Variants in PLEKHA7 observed in about 807,000 individuals in gnomAD.
PLEKHA7 encodes the protein pleckstrin homology domain-containing family A member 7.
A neutral mutation model predicts 170.0 loss-of-function variants in PLEKHA7; 104 were observed. The ratio of observed to expected loss-of-function variants is 0.61; its 90% CI spans 0.52 to 0.72. PLEKHA7 has a LOEUF of 0.72. Among genes scored for constraint, PLEKHA7 ranks in the 30% least tolerant of loss-of-function variants. The pLI is 0.00. For missense variants in PLEKHA7, 1,615 were observed against 1,671.7 expected, an observed-to-expected ratio of 0.97 and a Z score of 0.59; for synonymous variants, 648 against 660.8, an observed-to-expected ratio of 0.98 and a Z score of 0.30.
intron 3 of PLEKHA7, among the ~76,000 whole-genome samples, chr11:16,914,215 C>T (rs1858467651): frequency 6.6e-6 from 1 of 152,142 alleles, no homozygotes; most frequent in Non-Finnish European, 1.5e-5. Context: ...AGTAATCACC[C>T]CTGGACTTAG....
chr11:16,855,052 C>T (rs1853320047), intron 5 of PLEKHA7, 59 bp from the exon 6 acceptor site: 2 of 1,467,266 alleles, frequency 1.4e-6, no homozygotes, highest in Non-Finnish European at 9.6e-7. Context: ...CAAAAAAGCA[C>T]TTGTATGTTA....
At chr11:16,934,930 T>C (rs1205060290) in intron 3 of PLEKHA7, among the ~76,000 whole-genome samples, 1 of 152,244 alleles carries the variant, frequency 6.6e-6, no homozygotes, top group African/African-American at 2.4e-5. Context: ...TTTTTCATAC[T>C]TTTCTGTCCC....
At chr11:16,919,556 TC>T (rs1456261291) in intron 3 of PLEKHA7, among the ~76,000 whole-genome samples, 2 of 151,878 alleles carry the variant, frequency 1.3e-5, no homozygotes, top group African/African-American at 4.8e-5. Flanking sequence ...ACACCTGTAG[TC>T]CTATCTTCTT....
intron 26 of PLEKHA7, among the ~76,000 whole-genome samples, chr11:16,781,555 C>G (rs534431379): frequency 1.3e-5 from 2 of 152,148 alleles, no homozygotes; most frequent in African/African-American, 4.8e-5. Flanking sequence ...CTCCTGCATC[C>G]CTAATCCCAG....
intron 3 of PLEKHA7, among the ~76,000 whole-genome samples, chr11:16,980,887 CA>C (rs1455434864): frequency 2.0e-5 from 3 of 150,790 alleles, no homozygotes; most frequent in Non-Finnish European, 4.4e-5. Context: ...AATTCCATCT[CA>C]AAAACAACAA....
Position 16,854,936 on chromosome 11 carries a change from T to G in PLEKHA7, c.475A>C (p.Arg159=). ...ACCACCACGGGAACATTGGGGTTCC[T>G]CCGAATGGCCTGGTCTCTCTTCCCA... ...SFGKRDQAIR[R]NPNVPVVVRG... The change falls in exon 6 of 27, where the codon AGG becomes CGG. Residue 159 remains arginine (R), a synonymous_variant. Transcript: ENST00000531066. 1 of 1,614,108 alleles carries G rather than the reference T, an allele frequency of 6.2e-7. No homozygotes were observed. Among genetic ancestry groups the G allele is most frequent in the Non-Finnish European group, 8.5e-7 (1 of 1,180,006 alleles).
intron 26 of PLEKHA7, chr11:16,780,942 T>C (rs768380341): frequency 1.1e-4 from 104 of 976,820 alleles, no homozygotes; most frequent in Non-Finnish European, 1.2e-4. Context: ...GGGCTCTTAC[T>C]TGGAAGGTGT....
chr11:16,800,694 G>C (rs1234527594), intron 17 of PLEKHA7, among the ~76,000 whole-genome samples: 1 of 152,180 alleles, frequency 6.6e-6, no homozygotes, highest in African/African-American at 2.4e-5. Context: ...GACACCAAAT[G>C]ATCAGAAGTA....
intron 3 of PLEKHA7, among the ~76,000 whole-genome samples, chr11:16,998,958 C>A (rs1864506916): frequency 2.0e-5 from 3 of 151,954 alleles, no homozygotes. Context: ...CAATCCCCCA[C>A]TCACTCCCAA....
intron 10 of PLEKHA7, among the ~76,000 whole-genome samples, chr11:16,823,833 A>T (rs1478748744): frequency 6.6e-6 from 1 of 152,244 alleles, no homozygotes; most frequent in Non-Finnish European, 1.5e-5. Context: ...TATTCACAAT[A>T]GCCAAGATTT....
chr11:16,829,646 T>G (rs2135031419), intron 9 of PLEKHA7, among the ~76,000 whole-genome samples: 1 of 152,178 alleles, frequency 6.6e-6, no homozygotes, highest in East Asian at 1.9e-4. Context: ...CATGGTGGTG[T>G]GCACCTGTAG....
chr11:16,858,321 G>C (rs1649050515), intron 4 of PLEKHA7, among the ~76,000 whole-genome samples: 1 of 152,142 alleles, frequency 6.6e-6, no homozygotes, highest in Non-Finnish European at 1.5e-5. Context: ...TTCTCCGTTA[G>C]TTTAAGCCAG....
chr11:16,889,412 A>ATATAT lies in PLEKHA7; in HGVS notation c.222-18231_222-18230insATATA, dbSNP rs1459889235. Among the ~76,000 whole-genome samples the ATATAT allele has an allele frequency of 1.4e-3, 158 of 115,414 alleles. 1 individual carries two copies. The highest frequency in any genetic ancestry group is 4.5e-3 in the African/African-American group (120 of 26,436). 75.7% of individuals were successfully genotyped at this position (115,414 alleles called of 152,430 possible). On this transcript the variant is annotated intron_variant, in intron 3 of 26. Coordinates refer to ENST00000531066, the MANE Select transcript of PLEKHA7 (RefSeq NM_001329630.2). ...AAGCTTTATTGCTCAAAAAAAAAAA[A>ATATAT]AAAAAAAAATATATATATATATATA... is the stretch of plus-strand genomic sequence containing the variant.
Position 16,817,549 on chromosome 11 carries a change from C to A in PLEKHA7, c.1344-227G>T, listed in dbSNP as rs1849869080. 2.1e-6 allele frequency: 1 copy of A among 473,492 alleles called. No homozygotes were observed. Among genetic ancestry groups the A allele is most frequent in the Non-Finnish European group, 3.7e-6 (1 of 269,220 alleles). The allele number at this position is 473,492 out of a possible 1,614,324, so 29.3% of individuals were successfully genotyped here. A position where few individuals can be genotyped will look rare whatever the true frequency, so the allele number is the denominator to read the frequency against. On this transcript the variant is annotated intron_variant, in intron 10 of 26. Transcript: ENST00000531066. This position sits in a 1 kb window ranked among gnomAD's most constrained non-coding sequence, Gnocchi z 4.4. ...TTCCTCTGCCAGGACAACTTGGCTA[C>A]CCCATGCCCATCACTTGGAGTGCAA...
chr11:17,011,257 G>T (rs1365093885), intron 3 of PLEKHA7, among the ~76,000 whole-genome samples: 1 of 152,186 alleles, frequency 6.6e-6, no homozygotes, highest in South Asian at 2.1e-4. Flanking sequence ...ACGCTAGTGA[G>T]ATGCAGGCCA....
chr11:16,931,760 C>A (rs1174357341), intron 3 of PLEKHA7, among the ~76,000 whole-genome samples: 7 of 145,768 alleles, frequency 4.8e-5, no homozygotes, highest in South Asian at 2.1e-4. Context: ...TTCCATCCCC[C>A]CCCCCCCAAA....
chr11:16,835,796 G>T (rs565037465), intron 9 of PLEKHA7, among the ~76,000 whole-genome samples: 1 of 152,156 alleles, frequency 6.6e-6, no homozygotes, highest in Non-Finnish European at 1.5e-5. Context: ...GATACCTAAG[G>T]CAAAAGAAAT....
At chr11:16,856,322 A>G (rs1385650853) in intron 4 of PLEKHA7, among the ~76,000 whole-genome samples, 1 of 152,180 alleles carries the variant, frequency 6.6e-6, no homozygotes, top group Admixed American at 6.5e-5. Flanking sequence ...CTGGCTCCCA[A>G]AAGAAGCTGT....
intron 23 of PLEKHA7, chr11:16,788,030 A>C (rs746289548): frequency 3.3e-5 from 5 of 152,406 alleles, no homozygotes; most frequent in Non-Finnish European, 7.3e-5. Flanking sequence ...AAAACCGAAC[A>C]ACCTCAGTCT....
Sources: allele counts gnomAD v4.1 joint callset (sites outside exome capture counted in the v4.1 genomes callset), GRCh38; gene constraint gnomAD v4.1.1; non-coding constraint Gnocchi (gnomAD v3.1); transcripts MANE v1.5; gene names NCBI Gene and HGNC (gene_info 2026-07-23, HGNC 2026-07-21).